PALM: variants seen among roughly 807,000 people sequenced by gnomAD.
The protein encoded by PALM is paralemmin.
A neutral mutation model predicts 30.7 loss-of-function variants in PALM; 18 were observed. That is an observed-to-expected ratio of 0.59 (90% CI 0.41 to 0.87). PALM has a LOEUF of 0.87. PALM is among the 40% of genes least tolerant of loss of function. The probability of loss-of-function intolerance (pLI) is 0.00; values close to 1 mark genes in which losing one functional copy is unlikely to be tolerated. For missense variants in PALM, 529 were observed against 555.4 expected, an observed-to-expected ratio of 0.95 and a Z score of 0.48; for synonymous variants, 286 against 242.8, an observed-to-expected ratio of 1.18 and a Z score of -1.66.
chr19:724,539 T>C (rs1238873788), intron 1 of PALM, among the ~76,000 whole-genome samples: 1 of 152,086 alleles, frequency 6.6e-6, no homozygotes, highest in East Asian at 1.9e-4. Context: ...CAGGCTGGTC[T>C]AGAACTCCTG....
Position 709,065 on chromosome 19 carries a change from C to CCACCT in PALM, c.-81_-80insACCTC, listed in dbSNP as rs2031981462. On this transcript the variant is annotated 5_prime_UTR_variant, in exon 1 of 9. Transcript: ENST00000338448. This position sits in a 1 kb window ranked among gnomAD's most constrained non-coding sequence, Gnocchi z 4.3. ...CGCCCCGGCCCCCGCCAGGCCGCGT[C>CCACCT]CCCCTCCCCTCCCCTCCCCCGCGCG... The CCACCT allele has an allele frequency of 4.6e-6, 1 of 217,610 alleles. No homozygotes were observed. Among genetic ancestry groups the CCACCT allele is most frequent in the East Asian group, 8.8e-5 (1 of 11,410 alleles). 13.5% of individuals were successfully genotyped at this position (217,610 alleles called of 1,614,324 possible).
rs370151535 is a variant in PALM at position 731,084 on chromosome 19, C to T, written c.270-11C>T. On this transcript the variant is annotated splice_polypyrimidine_tract_variant and intron_variant, in intron 4 of 8. Transcript: ENST00000338448. Reference sequence around the variant, plus strand: ...GCAGGAGTCACCCTCACAGGCACACCCTCTCCCCAGGTTGGAGAAGGAAAT... The same window carrying T: ...GCAGGAGTCACCCTCACAGGCACACTCTCTCCCCAGGTTGGAGAAGGAAAT... 120 of 1,563,926 alleles carry T rather than the reference C, an allele frequency of 7.7e-5. No individual in the cohort carries two copies. Among genetic ancestry groups the T allele is most frequent in the Non-Finnish European group, 9.4e-5 (108 of 1,152,728 alleles).
chr19:716,011 G>A (rs536756695), intron 1 of PALM, among the ~76,000 whole-genome samples: 21 of 152,220 alleles, frequency 1.4e-4, no homozygotes, highest in Admixed American at 9.2e-4. Flanking sequence ...GCTGTCTCCC[G>A]CCCCAGGGTT....
chr19:734,923 C>A, intron 6 of PALM: 1 of 296,300 alleles, frequency 3.4e-6, no homozygotes, highest in Non-Finnish European at 5.0e-6. Flanking sequence ...GTGCTTCTGG[C>A]CTGGTTTGTT....
intron 4 of PALM, among the ~76,000 whole-genome samples, chr19:730,065 C>T (rs992929439): frequency 1.3e-5 from 2 of 152,248 alleles, no homozygotes; most frequent in African/African-American, 4.8e-5. Flanking sequence ...GCCTGCTTCT[C>T]AGGTGCTGAA....
At chr19:734,390 T>C (rs1404166710) in intron 6 of PALM, 196 bp downstream of exon 6, 21 of 585,932 alleles carry the variant, frequency 3.6e-5, no homozygotes, top group Middle Eastern at 4.0e-4. Context: ...CGAAACTCAG[T>C]GTCTACTGAA....
chr19:710,968 C>T (rs567158131), intron 1 of PALM, among the ~76,000 whole-genome samples: 1 of 152,260 alleles, frequency 6.6e-6, no homozygotes, highest in African/African-American at 2.4e-5. Flanking sequence ...CACGAAGGCC[C>T]CGTCCGCTAG....
intron 7 of PALM, among the ~76,000 whole-genome samples, chr19:737,479 G>A (rs1390468020): frequency 2.6e-5 from 4 of 152,206 alleles, no homozygotes; most frequent in African/African-American, 9.6e-5. Flanking sequence ...TTCTAATGAG[G>A]GCCACAACCT....
At chr19:739,026 G>T (rs1217375685) in intron 7 of PALM, among the ~76,000 whole-genome samples, 1 of 152,158 alleles carries the variant, frequency 6.6e-6, no homozygotes, top group Non-Finnish European at 1.5e-5. Flanking sequence ...TCAGGGAGGT[G>T]CCTGGTGATC....
intron 1 of PALM, among the ~76,000 whole-genome samples, chr19:722,063 C>T (rs901606248): frequency 6.6e-6 from 1 of 151,822 alleles, no homozygotes; most frequent in Non-Finnish European, 1.5e-5. Flanking sequence ...GGACTACAGG[C>T]ACCCGCCACC....
chr19:730,319 G>A (rs1341520930), intron 4 of PALM, among the ~76,000 whole-genome samples: 1 of 152,150 alleles, frequency 6.6e-6, no homozygotes, highest in Non-Finnish European at 1.5e-5. Flanking sequence ...CGTCTGTCCT[G>A]TCCTCAGGCT....
chr19:712,292 G>C (rs2032105311), intron 1 of PALM, among the ~76,000 whole-genome samples: 1 of 151,594 alleles, frequency 6.6e-6, no homozygotes, highest in South Asian at 2.1e-4. Flanking sequence ...CCAAAGTGTT[G>C]GGATGAAAGG....
rs561981715 is a variant in PALM at position 737,889 on chromosome 19, G to A, written c.502+1811G>A. Among the ~76,000 whole-genome samples, 56 of 152,282 alleles carry A rather than the reference G, an allele frequency of 3.7e-4. 1 individual carries two copies. Among genetic ancestry groups the A allele is most frequent in the Middle Eastern group, 3.4e-3 (1 of 294 alleles). On this transcript the variant is annotated intron_variant, in intron 7 of 8. Transcript: ENST00000338448. ...CCCGGGAGGGAGGCAGGAACCATGG[G>A]GGGCTGCAGGCAAAGCCGGGACTGC... is the stretch of plus-strand genomic sequence containing the variant.
At chr19:726,977 C>T in intron 2 of PALM, 31 bp from the exon 3 acceptor site, 2 of 1,264,246 alleles carry the variant, frequency 1.6e-6, no homozygotes, top group Non-Finnish European at 2.2e-6. Flanking sequence ...CCCCCACGCC[C>T]ATCCCTGACC....
intron 8 of PALM, among the ~76,000 whole-genome samples, chr19:743,026 A>T (rs1280147127): frequency 6.6e-6 from 1 of 152,062 alleles, no homozygotes; most frequent in Non-Finnish European, 1.5e-5. Context: ...ATGAGGGCCC[A>T]GTTTCTCCAC....
chr19:719,560 C>T, intron 1 of PALM: 4 of 985,856 alleles, frequency 4.1e-6, no homozygotes, highest in Non-Finnish European at 4.8e-6. Flanking sequence ...GCCCCGGGAC[C>T]CCCAGCACCT....
chr19:746,544 C>T lies in PALM; in HGVS notation c.894C>T (p.Val298=), dbSNP rs760080086. 1.9e-6 allele frequency: 3 copies of T among 1,613,272 alleles called. No individual in the cohort carries two copies. The highest frequency in any genetic ancestry group is 2.5e-6 in the Non-Finnish European group (3 of 1,179,922). ...PGIQPGQEPP[V]TMIFMGYQNV... ...TCCAGCCCGGCCAGGAGCCCCCGGT[C>T]ACAATGATCTTCATGGGTTACCAGA... is the stretch of plus-strand genomic sequence containing the variant. The change falls in exon 9 of 9, where the codon GTC becomes GTT. Residue 298 remains valine, a synonymous_variant. Transcript: ENST00000338448. This position sits in a 1 kb window ranked among gnomAD's most constrained non-coding sequence, Gnocchi z 7.1.
intron 1 of PALM, among the ~76,000 whole-genome samples, chr19:717,432 T>C (rs1440584389): frequency 2.0e-5 from 3 of 152,118 alleles, no homozygotes; most frequent in Non-Finnish European, 4.4e-5. Context: ...CGTCTCTCAC[T>C]GAGCGTGATG....
At chr19:719,233 C>T (rs1203054884) in intron 1 of PALM, 1 of 985,494 alleles carries the variant, frequency 1.0e-6, no homozygotes, top group Non-Finnish European at 1.2e-6. Context: ...AGGGCCCGCC[C>T]TGCTCGCTGG....
Sources: allele counts gnomAD v4.1 joint callset (sites outside exome capture counted in the v4.1 genomes callset), GRCh38; gene constraint gnomAD v4.1.1; non-coding constraint Gnocchi (gnomAD v3.1); transcripts MANE v1.5; gene names NCBI Gene and HGNC (gene_info 2026-07-23, HGNC 2026-07-21).